Variants in RGS6 observed in about 807,000 individuals in gnomAD.
RGS6 encodes the protein regulator of G protein signaling 6, also known as regulator of G-protein signaling 6.
A neutral mutation model predicts 78.5 loss-of-function variants in RGS6; 30 were observed. The observed-to-expected ratio is 0.38, with a 90% CI of 0.29 to 0.52. RGS6 has a LOEUF of 0.52. Ranked by LOEUF, RGS6 falls within the 20% of genes least tolerant of loss-of-function variation. The pLI is 0.85. For synonymous variants in RGS6, 206 were observed against 206.0 expected (o/e 1.00, Z 0.00); for missense variants, 495 against 609.7 (o/e 0.81, Z 1.98).
At chr14:72,427,271 AGTT>A (rs753475354) in intron 3 of RGS6, among the ~76,000 whole-genome samples, 18 of 152,328 alleles carry the variant, frequency 1.2e-4, no homozygotes, top group African/African-American at 3.4e-4. Flanking sequence ...TTCTCTTATT[AGTT>A]GTTGTTAATC....
intron 2 of RGS6, among the ~76,000 whole-genome samples, chr14:72,348,411 C>A (rs944689308): frequency 6.6e-6 from 1 of 152,100 alleles, no homozygotes; most frequent in African/African-American, 2.4e-5. Context: ...ATACTTAGGG[C>A]AGTATTGATC....
intron 2 of RGS6, among the ~76,000 whole-genome samples, chr14:72,052,826 T>G (rs972050410): frequency 1.3e-5 from 2 of 152,196 alleles, no homozygotes; most frequent in African/African-American, 4.8e-5. Flanking sequence ...GTTTTTAAAC[T>G]TAGGGATCAA....
intron 2 of RGS6, among the ~76,000 whole-genome samples, chr14:72,189,135 G>A (rs1232185387): frequency 6.6e-6 from 1 of 152,168 alleles, no homozygotes; most frequent in Admixed American, 6.6e-5. Flanking sequence ...CTCTGCCATT[G>A]TAGCCAAAAC....
chr14:72,589,057 T>C, the RGS6 span, among the ~76,000 whole-genome samples: 1 of 152,164 alleles, frequency 6.6e-6, no homozygotes, highest in African/African-American at 2.4e-5. Flanking sequence ...AAACCATTCA[T>C]AGAAGAGGGA....
intron 3 of RGS6, among the ~76,000 whole-genome samples, chr14:72,391,095 C>A (rs2089863880): frequency 6.6e-6 from 1 of 152,156 alleles, no homozygotes; most frequent in Non-Finnish European, 1.5e-5. Flanking sequence ...GAAATCAGGA[C>A]AAACAGCTTT....
intron 2 of RGS6, among the ~76,000 whole-genome samples, chr14:72,295,092 C>A (rs2064477274): frequency 6.6e-6 from 1 of 151,820 alleles, no homozygotes. Context: ...GAGATCGAGA[C>A]CATCCCGGCT....
At chr14:72,436,304 A>G (rs924037350) in intron 3 of RGS6, among the ~76,000 whole-genome samples, 3 of 151,980 alleles carry the variant, frequency 2.0e-5, no homozygotes, top group Non-Finnish European at 4.4e-5. Context: ...CCTAATCTCA[A>G]TCCCTTAAAA....
chr14:72,556,681 T>C (rs1408256951), intron 17 of RGS6, among the ~76,000 whole-genome samples: 3 of 1,354 alleles, frequency 2.2e-3, no homozygotes, highest in African/African-American at 9.7e-3. Flanking sequence ...AAGGTAGGGG[T>C]CGGGGGGGCG....
chr14:72,185,075 G>T (rs764606671), intron 2 of RGS6, among the ~76,000 whole-genome samples: 64 of 152,174 alleles, frequency 4.2e-4, no homozygotes, highest in Non-Finnish European at 3.7e-4. Flanking sequence ...GAGTCCAAAA[G>T]CCGAAGAACT....
At chr14:72,522,918 G>T (rs2097067775) in intron 15 of RGS6, among the ~76,000 whole-genome samples, 1 of 152,226 alleles carries the variant, frequency 6.6e-6, no homozygotes, top group Non-Finnish European at 1.5e-5. Flanking sequence ...GGGAGAGTAA[G>T]TTAGAGGAGA....
intron 2 of RGS6, among the ~76,000 whole-genome samples, chr14:72,039,156 A>G (rs2092098980): frequency 6.6e-6 from 1 of 152,236 alleles, no homozygotes; most frequent in African/African-American, 2.4e-5. Context: ...TCTCATACTC[A>G]GTGAATCTAC....
intron 2 of RGS6, among the ~76,000 whole-genome samples, chr14:72,211,389 G>T (rs2044111235): frequency 6.6e-6 from 1 of 152,176 alleles, no homozygotes; most frequent in Admixed American, 6.5e-5. Context: ...GAGTTATGCA[G>T]CTAGAAGTCA....
chr14:72,607,530 A>G, the RGS6 span, among the ~76,000 whole-genome samples: 82 of 152,324 alleles, frequency 5.4e-4, no homozygotes, highest in African/African-American at 1.8e-3. Flanking sequence ...GGAGATTTCA[A>G]CATATGGATT....
intron 16 of RGS6, 21 bp from the exon 17 acceptor site, chr14:72,540,020 C>A (rs758782168): frequency 3.3e-6 from 5 of 1,535,662 alleles, no homozygotes; most frequent in East Asian, 2.3e-5. Context: ...TTCTCCCTAC[C>A]CTTTTTTTTT....
At chr14:72,253,291 T>G (rs1236079744) in intron 2 of RGS6, among the ~76,000 whole-genome samples, 1 of 152,234 alleles carries the variant, frequency 6.6e-6, no homozygotes, top group Non-Finnish European at 1.5e-5. Context: ...ACGGCCCACC[T>G]GCCACTGGCA....
the RGS6 span, among the ~76,000 whole-genome samples, chr14:71,868,912 C>T: frequency 3.5e-4 from 53 of 152,318 alleles, no homozygotes; most frequent in African/African-American, 1.2e-3. Flanking sequence ...GTGAGTGAAT[C>T]TGTGACCAAT....
At chr14:72,017,697 C>T (rs2087357284) in intron 2 of RGS6, among the ~76,000 whole-genome samples, 1 of 152,264 alleles carries the variant, frequency 6.6e-6, no homozygotes, top group Middle Eastern at 3.4e-3. Flanking sequence ...AAAAGGAGAG[C>T]TTGTGCCACC....
At chr14:72,470,463 GAAC>G (rs1370635522) in intron 8 of RGS6, among the ~76,000 whole-genome samples, 1 of 152,210 alleles carries the variant, frequency 6.6e-6, no homozygotes, top group Non-Finnish European at 1.5e-5. Context: ...GTTTTAGGAA[GAAC>G]AACAAGTAGC....
At chr14:72,302,378 A>T (rs1017747749) in intron 2 of RGS6, among the ~76,000 whole-genome samples, 2 of 152,232 alleles carry the variant, frequency 1.3e-5, no homozygotes, top group African/African-American at 4.8e-5. Context: ...GAACCAGGAG[A>T]GCATCACTAT....
Sources: allele counts gnomAD v4.1 joint callset (sites outside exome capture counted in the v4.1 genomes callset), GRCh38; gene constraint gnomAD v4.1.1; transcripts MANE v1.5; gene names NCBI Gene and HGNC (gene_info 2026-07-23, HGNC 2026-07-21).